The following SCAMP2 variants were observed in gnomAD, a reference collection of about 807,000 sequenced individuals.
The protein encoded by SCAMP2 is secretory carrier membrane protein 2, also known as secretory carrier-associated membrane protein 2.
In SCAMP2, 25 loss-of-function variants were observed where a neutral mutation model predicts 44.1. That is an observed-to-expected ratio of 0.57 (90% CI 0.41 to 0.79). SCAMP2 has a LOEUF of 0.79. Among genes scored for constraint, SCAMP2 ranks in the 30% least tolerant of loss-of-function variants. The probability of loss-of-function intolerance (pLI) is 0.00; values close to 1 mark genes in which losing one functional copy is unlikely to be tolerated. For missense variants in SCAMP2, 355 were observed against 411.0 expected (o/e 0.86, Z 1.18); for synonymous variants, 156 against 166.0 (o/e 0.94, Z 0.46).
rs112611741 is a variant in SCAMP2 at position 74,862,853 on chromosome 15, T to TACACACAC, written c.58-8212_58-8205dup. Among the ~76,000 whole-genome samples, 473 of 87,490 alleles carry TACACACAC rather than the reference T, an allele frequency of 5.4e-3. 7 individuals carry two copies. The highest frequency in any genetic ancestry group is 0.013 in the African/African-American group (345 of 26,464). The allele number at this position is 87,490 out of a possible 152,430, so 57.4% of individuals were successfully genotyped here. The stretch of plus-strand genomic sequence containing the variant: ...AAAAAAAAAAACAAAAAACAAACCA[T>TACACACAC]ACACACACACACACACACACACACA... On this transcript the variant is annotated intron_variant, in intron 1 of 8. Coordinates refer to ENST00000268099, the MANE Select transcript of SCAMP2 (RefSeq NM_005697.5).
chr15:74,864,292 A>T (rs554007988), intron 1 of SCAMP2, among the ~76,000 whole-genome samples: 5 of 152,104 alleles, frequency 3.3e-5, no homozygotes, highest in Non-Finnish European at 7.4e-5. Flanking sequence ...TGATCTCCTG[A>T]CCTTGTGATC....
At chr15:74,859,539 G>C (rs534770741) in intron 1 of SCAMP2, among the ~76,000 whole-genome samples, 3 of 152,234 alleles carry the variant, frequency 2.0e-5, no homozygotes, top group Non-Finnish European at 4.4e-5. Flanking sequence ...CACATAGCTG[G>C]GGGGTAAAGG....
chr15:74,866,092 A>C (rs1465818599), intron 1 of SCAMP2, among the ~76,000 whole-genome samples: 3 of 151,964 alleles, frequency 2.0e-5, no homozygotes, highest in Non-Finnish European at 4.4e-5. Flanking sequence ...TTAAGTTCTG[A>C]ACTTCCAATA....
rs2064375747 is a variant in SCAMP2 at position 74,844,502 on chromosome 15, A to C, written c.*581T>G. 6.6e-6 allele frequency: 1 copy of C among 152,384 alleles called. No homozygotes were observed. Among genetic ancestry groups the C allele is most frequent in the Non-Finnish European group, 1.5e-5 (1 of 68,178 alleles). The allele number at this position is 152,384 out of a possible 1,614,324, so 9.4% of individuals were successfully genotyped here. On this transcript the variant is annotated 3_prime_UTR_variant, in exon 9 of 9. Transcript: ENST00000268099. ...CACGAGGCAGGGAAGAGCTTAAGGC[A>C]ACCAGCCTTCTCTGGATCCGTTTAT... is the stretch of plus-strand genomic sequence containing the variant.
rs566397690 is a variant in SCAMP2 at position 74,872,127 on chromosome 15, G to T, written c.57+1072C>A. Among the ~76,000 whole-genome samples the T allele has an allele frequency of 2.7e-4, 40 of 148,416 alleles. No homozygotes were observed. In the South Asian group the frequency reaches 4.5e-3, roughly 17 times the overall value. On this transcript the variant is annotated intron_variant, in intron 1 of 8. Transcript: ENST00000268099. Reference sequence around the variant, plus strand: ...TTCTTCCTTGATTGCTGTTCAAAAGGTCAGGCCAGGCGTGGTGGCTCACAC... The same window carrying T: ...TTCTTCCTTGATTGCTGTTCAAAAGTTCAGGCCAGGCGTGGTGGCTCACAC...
At chr15:74,854,760 G>GTGA in intron 1 of SCAMP2, 111 bp from the exon 2 acceptor site, 1 of 930,896 alleles carries the variant, frequency 1.1e-6, no homozygotes, top group Non-Finnish European at 1.7e-6. Flanking sequence ...ACCCTCCCGG[G>GTGA]ACCCTGAGAA....
Position 74,873,194 on chromosome 15 carries a change from T to C in SCAMP2, c.57+5A>G. The stretch of plus-strand genomic sequence containing the variant: ...GAGAGCTGGATGGCGGGAGAGGGGC[T>C]CTACCTGGAAGGGGTTTACATCCAC... On this transcript the variant is annotated splice_donor_5th_base_variant and intron_variant, in intron 1 of 8. Coordinates refer to ENST00000268099, the MANE Select transcript of SCAMP2 (RefSeq NM_005697.5). The C allele has an allele frequency of 6.9e-7, 1 of 1,439,376 alleles. No individual in the cohort carries two copies. The highest frequency in any genetic ancestry group is 9.1e-7 in the Non-Finnish European group (1 of 1,101,440). The allele number at this position is 1,439,376 out of a possible 1,614,324, so 89.2% of individuals were successfully genotyped here. A position where few individuals can be genotyped will look rare whatever the true frequency, so the allele number is the denominator to read the frequency against.
chr15:74,862,091 C>CAA (rs532547553), intron 1 of SCAMP2, among the ~76,000 whole-genome samples: 2 of 106,894 alleles, frequency 1.9e-5, no homozygotes, highest in African/African-American at 6.9e-5. Flanking sequence ...CCGTCTCTAC[C>CAA]AAAAAAAAAA....
chr15:74,862,522 G>C (rs1596421650), intron 1 of SCAMP2, among the ~76,000 whole-genome samples: 2 of 151,462 alleles, frequency 1.3e-5, no homozygotes, highest in African/African-American at 4.9e-5. Flanking sequence ...GCTGCAGTGA[G>C]CCGAGATCAC....
intron 1 of SCAMP2, among the ~76,000 whole-genome samples, chr15:74,871,146 G>A (rs757451339): frequency 6.6e-6 from 1 of 152,154 alleles, no homozygotes; most frequent in Non-Finnish European, 1.5e-5. Flanking sequence ...CAGCTGAAAG[G>A]CAGAAAGGTG....
At chr15:74,858,942 G>A (rs755913482) in intron 1 of SCAMP2, among the ~76,000 whole-genome samples, 11 of 150,728 alleles carry the variant, frequency 7.3e-5, no homozygotes, top group South Asian at 4.2e-4. Context: ...CCCAGTAGCT[G>A]GGACTACAGG....
Position 74,845,415 on chromosome 15 carries a change from G to A in SCAMP2, c.855+58C>T, listed in dbSNP as rs1312626301. The A allele has an allele frequency of 3.7e-6, 6 of 1,612,472 alleles. No individual in the cohort carries two copies. The Admixed American group carries it at 6.7e-5, about 18-fold the overall frequency. Reference sequence around the variant, plus strand: ...TGGTGAAAAACATCTCGTGGCAAGGGCAGGAAACGGTTGCCTGCCTCCTCC... The same window carrying A: ...TGGTGAAAAACATCTCGTGGCAAGGACAGGAAACGGTTGCCTGCCTCCTCC... On this transcript the variant is annotated intron_variant, in intron 8 of 8. Coordinates refer to ENST00000268099, the MANE Select transcript of SCAMP2 (RefSeq NM_005697.5).
intron 1 of SCAMP2, among the ~76,000 whole-genome samples, chr15:74,857,923 C>A (rs904694090): frequency 2.0e-5 from 3 of 152,216 alleles, no homozygotes; most frequent in African/African-American, 7.2e-5. Flanking sequence ...CGCTGTAGGG[C>A]CTCCCTCTTT....
intron 3 of SCAMP2, 48 bp from the exon 4 acceptor site, chr15:74,852,234 A>C (rs752108572): frequency 2.2e-6 from 3 of 1,337,016 alleles, no homozygotes; most frequent in African/African-American, 3.0e-5. Context: ...CAACAAACAG[A>C]AACAGTGTCA....
At chr15:74,867,964 A>AC (rs2064553727) in intron 1 of SCAMP2, among the ~76,000 whole-genome samples, 1 of 152,198 alleles carries the variant, frequency 6.6e-6, no homozygotes, top group South Asian at 2.1e-4. Context: ...TTTTTAGTGG[A>AC]CTGCTGAAAA....
Position 74,851,480 on chromosome 15 carries a change from C to G in SCAMP2, c.345G>C (p.Val115=). Reference sequence around the variant, plus strand: ...GCAGAGGGGGCCAGTTGTTCTGTCTCACTGGGTAGGGCAAAAAGAGTGACG... The same window carrying G: ...GCAGAGGGGGCCAGTTGTTCTGTCTGACTGGGTAGGGCAAAAAGAGTGACG... ...ELQNTVANLH[V]RQNNWPPLPS... The change falls in exon 5 of 9, where the codon GTG becomes GTC. Residue 115 remains valine, a splice_region_variant and synonymous_variant. Coordinates refer to ENST00000268099, the MANE Select transcript of SCAMP2 (RefSeq NM_005697.5). The G allele has an allele frequency of 1.2e-6, 2 of 1,613,826 alleles. No homozygotes were observed. The highest frequency in any genetic ancestry group is 1.7e-6 in the Non-Finnish European group (2 of 1,179,784).
chr15:74,853,959 G>T, intron 3 of SCAMP2, 62 bp downstream of exon 3: 1 of 1,427,502 alleles, frequency 7.0e-7, no homozygotes, highest in Non-Finnish European at 9.9e-7. Context: ...TCAGGGCTCA[G>T]CTACTGGTCT....
rs1206712618 is a variant in SCAMP2 at position 74,862,263 on chromosome 15, C to CAAAAAAAAAA, written c.58-7624_58-7615dup. ...GGGTGACAGAGTGAGACTCTGTCTC[C>CAAAAAAAAAA]AAAAAAAAAAAAAAAAAAAAAAAAA... On this transcript the variant is annotated intron_variant, in intron 1 of 8. Transcript: ENST00000268099. 3.2e-4 allele frequency among the ~76,000 whole-genome samples: 5 copies of CAAAAAAAAAA among 15,474 alleles called. 1 individual carries two copies. Among genetic ancestry groups the CAAAAAAAAAA allele is most frequent in the Admixed American group, 1.3e-3 (1 of 768 alleles). The allele number at this position is 15,474 out of a possible 152,430, so 10.2% of individuals were successfully genotyped here. A position where few individuals can be genotyped will look rare whatever the true frequency, so the allele number is the denominator to read the frequency against.
At chr15:74,861,465 G>A (rs1231943714) in intron 1 of SCAMP2, among the ~76,000 whole-genome samples, 1 of 152,094 alleles carries the variant, frequency 6.6e-6, no homozygotes, top group Admixed American at 6.6e-5. Flanking sequence ...ATATTCATAG[G>A]ACCAGGACTT....
Sources: allele counts gnomAD v4.1 joint callset (sites outside exome capture counted in the v4.1 genomes callset), GRCh38; gene constraint gnomAD v4.1.1; transcripts MANE v1.5; gene names NCBI Gene and HGNC (gene_info 2026-07-23, HGNC 2026-07-21).